RFC3: variants seen among roughly 807,000 people sequenced by gnomAD.
RFC3 encodes the protein A1 38 kDa subunit.
RFC3 carries 41 observed loss-of-function variants against 45.1 expected under a neutral mutation model. That is an observed-to-expected ratio of 0.91 (90% CI 0.71 to 1.18). RFC3 has a LOEUF of 1.18. Among genes scored for constraint, RFC3 ranks in the 50% most tolerant of loss-of-function variants. The probability of loss-of-function intolerance (pLI) is 0.00; values close to 1 mark genes in which losing one functional copy is unlikely to be tolerated. For missense variants in RFC3, 423 were observed against 428.1 expected, an observed-to-expected ratio of 0.99 and a Z score of 0.10; for synonymous variants, 149 against 144.0, an observed-to-expected ratio of 1.03 and a Z score of -0.25.
chr13:33,863,219 A>G (rs1392061256), intron 8 of RFC3, among the ~76,000 whole-genome samples: 1 of 152,234 alleles, frequency 6.6e-6, no homozygotes, highest in East Asian at 1.9e-4. Context: ...AAAACAATAC[A>G]TACATATATA....
intron 8 of RFC3, among the ~76,000 whole-genome samples, chr13:33,899,893 T>C (rs950954869): frequency 6.6e-6 from 1 of 151,422 alleles, no homozygotes; most frequent in Non-Finnish European, 1.5e-5. Context: ...TGGCAAACAA[T>C]CTGAAAAATA....
chr13:33,968,851 G>A (rs2083099521), downstream of RFC3, among the ~76,000 whole-genome samples: 1 of 152,182 alleles, frequency 6.6e-6, no homozygotes. Flanking sequence ...AAGAGACACA[G>A]AACAAGGCTC....
intron 8 of RFC3, among the ~76,000 whole-genome samples, chr13:33,896,791 A>C (rs1390028100): frequency 6.9e-6 from 1 of 145,142 alleles, no homozygotes; most frequent in East Asian, 2.2e-4. Flanking sequence ...CTAGCAACAG[A>C]TTTCTCAATG....
chr13:33,954,651 G>C (rs776738404), intron 8 of RFC3, among the ~76,000 whole-genome samples: 1 of 152,178 alleles, frequency 6.6e-6, no homozygotes, highest in African/African-American at 2.4e-5. Flanking sequence ...TGGCAGATCA[G>C]GTGTCTGCTG....
At chr13:33,975,675 A>G in the RFC3 span, among the ~76,000 whole-genome samples, 3 of 152,178 alleles carry the variant, frequency 2.0e-5, no homozygotes, top group Non-Finnish European at 4.4e-5. Context: ...AACTTTGACA[A>G]TGAGTGGAAT....
chr13:33,956,395 C>A (rs2083022162), intron 8 of RFC3, among the ~76,000 whole-genome samples: 1 of 152,152 alleles, frequency 6.6e-6, no homozygotes, highest in Non-Finnish European at 1.5e-5. Context: ...AAGATATTTC[C>A]TGATGGCAGC....
chr13:33,959,114 G>T (rs973857190), intron 8 of RFC3, among the ~76,000 whole-genome samples: 3 of 152,136 alleles, frequency 2.0e-5, no homozygotes, highest in African/African-American at 7.2e-5. Flanking sequence ...GATCCACAGA[G>T]TGCCCTTTGG....
At chr13:33,964,425 C>G (rs1007654272) in intron 8 of RFC3, among the ~76,000 whole-genome samples, 9 of 152,328 alleles carry the variant, frequency 5.9e-5, no homozygotes, top group African/African-American at 1.9e-4. Context: ...TTGCACCTCA[C>G]TTGAGCCCTG....
intron 8 of RFC3, among the ~76,000 whole-genome samples, chr13:33,956,740 T>C (rs1252882827): frequency 6.6e-6 from 1 of 152,212 alleles, no homozygotes; most frequent in African/African-American, 2.4e-5. Context: ...TTTTGATTGT[T>C]TGTAAAACAG....
the RFC3 span, among the ~76,000 whole-genome samples, chr13:33,972,055 G>A: frequency 3.8e-3 from 576 of 152,286 alleles, 2 homozygotes; most frequent in African/African-American, 0.013. Context: ...ATGGAGGTTG[G>A]CAGTGAGCCG....
chr13:33,871,326 G>T (rs1244257136), intron 8 of RFC3, among the ~76,000 whole-genome samples: 4 of 152,198 alleles, frequency 2.6e-5, no homozygotes, highest in Non-Finnish European at 5.9e-5. Flanking sequence ...AGCAGGGCTG[G>T]TTGCTCCCAG....
chr13:33,948,632 G>T (rs900200291), intron 8 of RFC3, among the ~76,000 whole-genome samples: 4 of 152,196 alleles, frequency 2.6e-5, no homozygotes, highest in African/African-American at 9.7e-5. Flanking sequence ...GCCAGGAGAG[G>T]GGCTGTACCC....
At chr13:33,841,811 A>T (rs899661774), downstream of RFC3, among the ~76,000 whole-genome samples, 2 of 152,150 alleles carry the variant, frequency 1.3e-5, no homozygotes, top group African/African-American at 4.8e-5. Context: ...TTAGCTTTAA[A>T]ATAGGGGCAT....
At chr13:33,936,912 G>A (rs1443794877) in intron 8 of RFC3, among the ~76,000 whole-genome samples, 1 of 151,992 alleles carries the variant, frequency 6.6e-6, no homozygotes, top group Non-Finnish European at 1.5e-5. Context: ...AATTGACATA[G>A]GAAACACTAC....
At chr13:33,909,327 G>A (rs2082690491) in intron 8 of RFC3, among the ~76,000 whole-genome samples, 3 of 151,878 alleles carry the variant, frequency 2.0e-5, no homozygotes, top group South Asian at 2.1e-4. Flanking sequence ...GGCCACCCTG[G>A]TCCCTGACCT....
At chr13:33,900,671 A>T (rs111276065) in intron 8 of RFC3, among the ~76,000 whole-genome samples, 2,494 of 152,082 alleles carry the variant, frequency 0.016, 60 homozygotes, top group African/African-American at 0.05. Context: ...ACCAAAGCAA[A>T]AAAAGGACAA....
intron 8 of RFC3, among the ~76,000 whole-genome samples, chr13:33,956,616 T>G (rs913233253): frequency 1.3e-5 from 2 of 152,240 alleles, no homozygotes; most frequent in African/African-American, 4.8e-5. Context: ...GGGATTTTGT[T>G]TCTTAGAACT....
chr13:33,871,125 C>T (rs1448204774), intron 8 of RFC3, among the ~76,000 whole-genome samples: 1 of 152,124 alleles, frequency 6.6e-6, no homozygotes, highest in African/African-American at 2.4e-5. Flanking sequence ...AAATTGGAAC[C>T]GAAGTGTTCT....
the RFC3 span, among the ~76,000 whole-genome samples, chr13:33,975,642 G>A: frequency 6.6e-6 from 1 of 152,116 alleles, no homozygotes; most frequent in East Asian, 1.9e-4. Context: ...GATGGGCATA[G>A]GAGTAAAGGT....
Sources: allele counts gnomAD v4.1 joint callset (sites outside exome capture counted in the v4.1 genomes callset), GRCh38; gene constraint gnomAD v4.1.1; transcripts MANE v1.5; gene names NCBI Gene and HGNC (gene_info 2026-07-23, HGNC 2026-07-21).